FSTL4: variants seen among roughly 807,000 people sequenced by gnomAD.
FSTL4 encodes the protein follistatin like 4.
A neutral mutation model predicts 78.2 loss-of-function variants in FSTL4; 28 were observed. That is an observed-to-expected ratio of 0.36 (90% CI 0.27 to 0.49). The LOEUF (loss-of-function observed/expected upper bound fraction) is 0.49, where lower values mean the gene tolerates loss of function less well. Among genes scored for constraint, FSTL4 ranks in the 20% least tolerant of loss-of-function variants. The pLI is 0.98. For synonymous variants in FSTL4, 422 were observed against 440.5 expected, an observed-to-expected ratio of 0.96 and a Z score of 0.53; for missense variants, 922 against 1,084.9, an observed-to-expected ratio of 0.85 and a Z score of 2.11.
At chr5:133,351,061 A>G (rs923056234) in intron 4 of FSTL4, among the ~76,000 whole-genome samples, 2 of 152,220 alleles carry the variant, frequency 1.3e-5, no homozygotes, top group African/African-American at 4.8e-5. Flanking sequence ...CTGCATATGT[A>G]AATTTTTTTA....
At chr5:133,284,019 G>A (rs1164324165) in intron 6 of FSTL4, among the ~76,000 whole-genome samples, 4 of 152,128 alleles carry the variant, frequency 2.6e-5, no homozygotes, top group Admixed American at 1.3e-4. Context: ...GGGGAAATTT[G>A]ATCCCATGAT....
At chr5:133,490,095 A>G (rs28462323) in intron 3 of FSTL4, among the ~76,000 whole-genome samples, 1,888 of 151,384 alleles carry the variant, frequency 0.012, 37 homozygotes, top group African/African-American at 0.044. Context: ...TCTGGTTTAC[A>G]TGTATTTTCC....
chr5:133,379,361 C>T (rs984498558), intron 4 of FSTL4, among the ~76,000 whole-genome samples: 2 of 151,902 alleles, frequency 1.3e-5, no homozygotes, highest in African/African-American at 2.4e-5. Flanking sequence ...GGAAGATCAA[C>T]AAGAAAATAA....
the FSTL4 span, among the ~76,000 whole-genome samples, chr5:133,760,527 G>A: frequency 6.9e-3 from 1,053 of 152,286 alleles, 10 homozygotes; most frequent in African/African-American, 0.024. Flanking sequence ...CAGACAGGGC[G>A]ATCTCCATTT....
chr5:133,668,684 C>T, the FSTL4 span, among the ~76,000 whole-genome samples: 13 of 152,178 alleles, frequency 8.5e-5, no homozygotes, highest in African/African-American at 3.1e-4. Context: ...ATTTGGGCCC[C>T]TTTTGGATGG....
At chr5:133,644,274 T>C in the FSTL4 span, among the ~76,000 whole-genome samples, 1 of 152,150 alleles carries the variant, frequency 6.6e-6, no homozygotes, top group Non-Finnish European at 1.5e-5. Context: ...TTTTCTTTGT[T>C]CCAACTTCTG....
the FSTL4 span, among the ~76,000 whole-genome samples, chr5:133,826,598 CCCGTTGG>C: frequency 6.6e-6 from 1 of 152,322 alleles, no homozygotes; most frequent in East Asian, 1.9e-4. Context: ...TCTCAAATCC[CCCGTTGG>C]CCTTTCTCCT....
intron 3 of FSTL4, among the ~76,000 whole-genome samples, chr5:133,524,343 GT>G (rs1329303750): frequency 8.5e-5 from 13 of 152,182 alleles, no homozygotes; most frequent in Admixed American, 8.5e-4. Flanking sequence ...ATGACTGTGG[GT>G]TTTCCAAGGT....
chr5:133,456,555 C>T (rs1485416209), intron 3 of FSTL4, among the ~76,000 whole-genome samples: 1 of 152,180 alleles, frequency 6.6e-6, no homozygotes, highest in East Asian at 1.9e-4. Flanking sequence ...ACAGGCTTTC[C>T]CTGCTGAGGC....
At position 133,199,214 on chromosome 5, in the gene FSTL4, AC is replaced by A. The variant is rs770358860; in HGVS notation, c.2409del (p.Gln803HisfsTer28). The A allele has an allele frequency of 1.4e-5, 23 of 1,613,392 alleles. No homozygotes were observed. Among genetic ancestry groups the A allele is most frequent in the Non-Finnish European group, 2.0e-5 (23 of 1,179,464 alleles). ...GACTCTCGGGCTGGTGTGAGGAGGT[AC>A]TGTCCAAACAGCCCACTGTCCCTCA... ...RIMRDSGLFGQYLLTPARESL... is the reference protein window; with the variant it reads ...RIMRDSGLFGXYLLTPARESL... On this transcript the variant is annotated frameshift_variant, in exon 16 of 16. Coordinates refer to ENST00000265342, the MANE Select transcript of FSTL4 (RefSeq NM_015082.2). LOFTEE classifies it low-confidence loss of function (END_TRUNC). The surrounding 1 kb of genome is among the most constrained non-coding windows in gnomAD (Gnocchi z 4.4).
chr5:133,705,869 G>GCACACACACACACA, the FSTL4 span, among the ~76,000 whole-genome samples: 9 of 147,806 alleles, frequency 6.1e-5, no homozygotes, highest in African/African-American at 2.2e-4. Context: ...ACACACACAC[G>GCACACACACACACA]CACACACACA....
At chr5:133,332,168 G>T (rs895239280) in intron 4 of FSTL4, among the ~76,000 whole-genome samples, 2 of 152,190 alleles carry the variant, frequency 1.3e-5, no homozygotes, top group African/African-American at 4.8e-5. Flanking sequence ...GATGGAGTTT[G>T]ATTCCAGACA....
At chr5:133,280,195 C>T (rs1233581303) in intron 6 of FSTL4, among the ~76,000 whole-genome samples, 2 of 152,176 alleles carry the variant, frequency 1.3e-5, no homozygotes, top group Non-Finnish European at 2.9e-5. Flanking sequence ...CCTCTAGTAC[C>T]CTCTAGGCCT....
chr5:133,281,425 C>T (rs1753008022), intron 6 of FSTL4, among the ~76,000 whole-genome samples: 2 of 152,180 alleles, frequency 1.3e-5, no homozygotes, highest in South Asian at 4.1e-4. Context: ...GCCCTTTACA[C>T]ACATTTTCTC....
In FSTL4 at chr5:133,611,680, G is replaced by C. The variant is rs1370834116; in HGVS notation, c.-11+645C>G. 1.3e-5 allele frequency among the ~76,000 whole-genome samples: 2 copies of C among 152,220 alleles called. No homozygotes were observed. Among genetic ancestry groups the C allele is most frequent in the East Asian group, 3.9e-4 (2 of 5,170 alleles). On this transcript the variant is annotated intron_variant, in intron 1 of 15. Coordinates refer to ENST00000265342, the MANE Select transcript of FSTL4 (RefSeq NM_015082.2). The surrounding 1 kb of genome is among the most constrained non-coding windows in gnomAD (Gnocchi z 4.9). Reference sequence around the variant, plus strand: ...CCGGCTACGCACAAGCAGCGCCGCAGGCTGCCTGGAGTCGGGTCGTGCCCT... The same window carrying C: ...CCGGCTACGCACAAGCAGCGCCGCACGCTGCCTGGAGTCGGGTCGTGCCCT...
At chr5:133,489,651 T>C (rs1279299511) in intron 3 of FSTL4, among the ~76,000 whole-genome samples, 1 of 152,154 alleles carries the variant, frequency 6.6e-6, no homozygotes, top group Non-Finnish European at 1.5e-5. Flanking sequence ...TTTTAGCACA[T>C]AGACAGCACA....
At chr5:133,381,023 T>C (rs1251679568) in intron 4 of FSTL4, among the ~76,000 whole-genome samples, 2 of 152,188 alleles carry the variant, frequency 1.3e-5, no homozygotes, top group East Asian at 3.8e-4. Flanking sequence ...AGGGGTTTTA[T>C]AGTCACAAGT....
chr5:133,720,926 A>G, the FSTL4 span: 1 of 152,224 alleles, frequency 6.6e-6, no homozygotes, highest in East Asian at 1.9e-4. Flanking sequence ...GCATCAGCTC[A>G]AATGCCATTA....
chr5:133,266,470 G>T (rs1229088270), intron 6 of FSTL4: 3 of 152,302 alleles, frequency 2.0e-5, no homozygotes, highest in African/African-American at 7.2e-5. Flanking sequence ...CCGAGGCCCT[G>T]CCCGGCTCCT....
Sources: allele counts gnomAD v4.1 joint callset (sites outside exome capture counted in the v4.1 genomes callset), GRCh38; gene constraint gnomAD v4.1.1; non-coding constraint Gnocchi (gnomAD v3.1); transcripts MANE v1.5; gene names NCBI Gene and HGNC (gene_info 2026-07-23, HGNC 2026-07-21).